Variants in HCN1 observed in about 807,000 individuals in gnomAD.
The protein encoded by HCN1 is potassium/sodium hyperpolarization-activated cyclic nucleotide-gated channel 1.
Under a neutral mutation model 78.9 loss-of-function variants are expected in HCN1, and 13 were observed. The ratio of observed to expected loss-of-function variants is 0.16; its 90% CI spans 0.11 to 0.26. HCN1 has a LOEUF of 0.26. Ranked by LOEUF, HCN1 falls within the 10% of genes least tolerant of loss-of-function variation. The probability of loss-of-function intolerance (pLI) is 1.00; values close to 1 mark genes in which losing one functional copy is unlikely to be tolerated. For synonymous variants in HCN1, 552 were observed against 455.5 expected, an observed-to-expected ratio of 1.21 and a Z score of -2.70; for missense variants, 810 against 1,154.3, an observed-to-expected ratio of 0.70 and a Z score of 4.32.
At chr5:45,371,395 A>T (rs1020985169) in intron 4 of HCN1, among the ~76,000 whole-genome samples, 1 of 151,948 alleles carries the variant, frequency 6.6e-6, no homozygotes, top group African/African-American at 2.4e-5. Flanking sequence ...AGACTAATAA[A>T]GAAATAAAGA....
At chr5:45,315,991 G>A (rs959523044) in intron 5 of HCN1, among the ~76,000 whole-genome samples, 7 of 152,160 alleles carry the variant, frequency 4.6e-5, no homozygotes, top group Non-Finnish European at 8.8e-5. Context: ...GAGGTAGAAG[G>A]AGGAGCTGGT....
At chr5:45,411,241 T>A (rs913709818) in intron 3 of HCN1, among the ~76,000 whole-genome samples, 1 of 152,074 alleles carries the variant, frequency 6.6e-6, no homozygotes, top group Non-Finnish European at 1.5e-5. Flanking sequence ...TTATTCTCTC[T>A]CAGGCATATC....
intron 5 of HCN1, among the ~76,000 whole-genome samples, chr5:45,346,966 C>A (rs1746732779): frequency 6.6e-6 from 1 of 152,202 alleles, no homozygotes; most frequent in Non-Finnish European, 1.5e-5. Flanking sequence ...ACAGCAGTAA[C>A]CTCTGCAGAC....
At chr5:45,262,932 A>C in intron 7 of HCN1, 122 bp from the exon 8 acceptor site, 1 of 1,025,004 alleles carries the variant, frequency 9.8e-7, no homozygotes, top group Non-Finnish European at 1.5e-6. Context: ...TTAAAAAGCC[A>C]GTCACTCACC....
At chr5:45,418,070 A>G (rs188457694) in intron 3 of HCN1, among the ~76,000 whole-genome samples, 1 of 151,984 alleles carries the variant, frequency 6.6e-6, no homozygotes, top group African/African-American at 2.4e-5. Flanking sequence ...TACCTAAAAT[A>G]ATAAAGTGGC....
chr5:45,598,343 T>A (rs1579991888), intron 2 of HCN1, among the ~76,000 whole-genome samples: 1 of 152,124 alleles, frequency 6.6e-6, no homozygotes, highest in Admixed American at 6.6e-5. Context: ...TAAATGGTGC[T>A]GGGAAAACTG....
At chr5:45,328,268 TC>T (rs1414200821) in intron 5 of HCN1, among the ~76,000 whole-genome samples, 3 of 151,434 alleles carry the variant, frequency 2.0e-5, no homozygotes, top group Non-Finnish European at 4.4e-5. Context: ...TTTTTTTTTT[TC>T]TTCACAATTT....
intron 2 of HCN1, among the ~76,000 whole-genome samples, chr5:45,547,378 T>C (rs942820950): frequency 1.3e-5 from 2 of 151,960 alleles, no homozygotes; most frequent in African/African-American, 4.8e-5. Context: ...CTTAGCAATT[T>C]ATATTAAAGT....
chr5:45,463,601 T>C (rs1333617099), intron 2 of HCN1, among the ~76,000 whole-genome samples: 1 of 152,018 alleles, frequency 6.6e-6, no homozygotes, highest in Non-Finnish European at 1.5e-5. Flanking sequence ...GAAACATCCT[T>C]TTGATATTAT....
chr5:45,352,191 C>T (rs999220886), intron 5 of HCN1, among the ~76,000 whole-genome samples: 2 of 152,140 alleles, frequency 1.3e-5, no homozygotes, highest in African/African-American at 4.8e-5. Context: ...GAATACTATG[C>T]AGCCATAAAA....
intron 4 of HCN1, among the ~76,000 whole-genome samples, chr5:45,378,818 T>A (rs1237851824): frequency 6.6e-6 from 1 of 152,062 alleles, no homozygotes. Context: ...TTCCCCTTCC[T>A]GTGTCCAAGT....
intron 2 of HCN1, among the ~76,000 whole-genome samples, chr5:45,631,516 G>C (rs1202676891): frequency 6.6e-6 from 1 of 151,960 alleles, no homozygotes; most frequent in East Asian, 1.9e-4. Flanking sequence ...ATCATTTGCT[G>C]TGAGAAGCTA....
intron 4 of HCN1, among the ~76,000 whole-genome samples, chr5:45,359,985 T>C (rs1248059626): frequency 3.3e-5 from 5 of 150,726 alleles, no homozygotes; most frequent in Admixed American, 6.6e-5. Flanking sequence ...AGTTTTTCAG[T>C]TTTTTATATG....
intron 3 of HCN1, among the ~76,000 whole-genome samples, chr5:45,399,468 G>T (rs1739751388): frequency 6.6e-6 from 1 of 152,178 alleles, no homozygotes; most frequent in Non-Finnish European, 1.5e-5. Flanking sequence ...CAAGCACAGG[G>T]TTCTTTTGAC....
chr5:45,537,523 CTTTTTTTTTTTTTTTTTTT>C (rs71000638), intron 2 of HCN1, among the ~76,000 whole-genome samples: 1 of 25,768 alleles, frequency 3.9e-5, no homozygotes, highest in African/African-American at 1.6e-4. Flanking sequence ...AACTCTAAGT[CTTTTTTTTTTTTTTTTTTT>C]TTTTTTTTTT....
chr5:45,665,468 G>A (rs1035076452), intron 1 of HCN1, among the ~76,000 whole-genome samples: 1 of 141,536 alleles, frequency 7.1e-6, no homozygotes, highest in African/African-American at 2.6e-5. Flanking sequence ...ATAAAAAAAA[G>A]ATATGGCTTT....
intron 3 of HCN1, among the ~76,000 whole-genome samples, chr5:45,439,445 A>G (rs1473452551): frequency 1.3e-5 from 2 of 152,194 alleles, no homozygotes; most frequent in African/African-American, 4.8e-5. Context: ...GTTATTTAAT[A>G]TTTTCTAGTA....
At chr5:45,493,298 T>C (rs1365626191) in intron 2 of HCN1, among the ~76,000 whole-genome samples, 2 of 151,962 alleles carry the variant, frequency 1.3e-5, no homozygotes, top group African/African-American at 4.8e-5. Flanking sequence ...TCACCAAGAA[T>C]AAAGAAATAA....
intron 2 of HCN1, among the ~76,000 whole-genome samples, chr5:45,532,570 A>C (rs1195805337): frequency 3.3e-5 from 5 of 152,212 alleles, no homozygotes; most frequent in Admixed American, 3.3e-4. Flanking sequence ...CATTCTATCT[A>C]TCATCTCTTC....
Sources: allele counts gnomAD v4.1 joint callset (sites outside exome capture counted in the v4.1 genomes callset), GRCh38; gene constraint gnomAD v4.1.1; transcripts MANE v1.5; gene names NCBI Gene and HGNC (gene_info 2026-07-23, HGNC 2026-07-21).